The following NUDT21 variants were observed in gnomAD, a reference collection of about 807,000 sequenced individuals.
The protein encoded by NUDT21 is cleavage and polyadenylation specificity factor subunit 5.
A neutral mutation model predicts 29.8 loss-of-function variants in NUDT21; 5 were observed. That is an observed-to-expected ratio of 0.17 (90% CI 0.09 to 0.35). The LOEUF (loss-of-function observed/expected upper bound fraction) is 0.35. NUDT21 is among the 10% of genes least tolerant of loss of function. The probability of loss-of-function intolerance (pLI) is 1.00; values close to 1 mark genes in which losing one functional copy is unlikely to be tolerated. For missense variants in NUDT21, 76 were observed against 276.0 expected (o/e 0.28, Z 5.13); for synonymous variants, 113 against 98.5 (o/e 1.15, Z -0.87).
At chr16:56,441,672 T>C (rs1466432796) in intron 3 of NUDT21, among the ~76,000 whole-genome samples, 1 of 152,246 alleles carries the variant, frequency 6.6e-6, no homozygotes, top group East Asian at 1.9e-4. Context: ...GTTAAGTCAA[T>C]ATTCAGTATT....
At chr16:56,448,297 T>C (rs1281424967) in intron 1 of NUDT21, among the ~76,000 whole-genome samples, 1 of 152,234 alleles carries the variant, frequency 6.6e-6, no homozygotes, top group Non-Finnish European at 1.5e-5. Context: ...TTTTATACCA[T>C]GGCTGCTATT....
At position 56,441,808 on chromosome 16, in the gene NUDT21, A is replaced by G. The variant is rs115090292; in HGVS notation, c.382-2062T>C. On this transcript the variant is annotated intron_variant, in intron 3 of 6. Coordinates refer to ENST00000300291, the MANE Select transcript of NUDT21 (RefSeq NM_007006.3). Reference sequence around the variant, plus strand: ...CATTTCCTTTGCTATCACTAAATTCATTTCCCACATTCTCCATGATAACTT... The same window carrying G: ...CATTTCCTTTGCTATCACTAAATTCGTTTCCCACATTCTCCATGATAACTT... Among the ~76,000 whole-genome samples the G allele has an allele frequency of 7.1e-3, 1,086 of 152,284 alleles. 13 individuals are homozygous for G. Among genetic ancestry groups the G allele is most frequent in the African/African-American group, 0.025 (1,034 of 41,556 alleles).
At chr16:56,442,865 T>C (rs1962175112) in intron 3 of NUDT21, among the ~76,000 whole-genome samples, 1 of 152,192 alleles carries the variant, frequency 6.6e-6, no homozygotes, top group African/African-American at 2.4e-5. Context: ...TCTTAACTCT[T>C]TACTGAATTT....
chr16:56,433,193 A>G (rs1344629670), intron 6 of NUDT21, among the ~76,000 whole-genome samples: 1 of 152,226 alleles, frequency 6.6e-6, no homozygotes, highest in Non-Finnish European at 1.5e-5. Context: ...AAGTAGAAAG[A>G]GCAATTTCAT....
At chr16:56,432,756 C>A in intron 6 of NUDT21, 23 bp from the exon 7 acceptor site, 1 of 1,562,922 alleles carries the variant, frequency 6.4e-7, no homozygotes, top group Non-Finnish European at 8.8e-7. Flanking sequence ...AAGAACAATA[C>A]CTTTATTAAA....
In NUDT21 at chr16:56,439,605, T is replaced by TA. The variant is rs1480503946; in HGVS notation, c.471+51dup. The TA allele has an allele frequency of 7.6e-6, 9 of 1,182,720 alleles. No individual in the cohort carries two copies. In the African/African-American group the frequency reaches 1.3e-4, roughly 18 times the overall value. 73.3% of individuals were successfully genotyped at this position (1,182,720 alleles called of 1,614,324 possible). ...TAATCTTTTTTAAAGTGGCTAGAAT[T>TA]AAACGAGCTTTCTGCTTCCAAAATG... On this transcript the variant is annotated intron_variant, in intron 4 of 6. Transcript: ENST00000300291.
intron 3 of NUDT21, among the ~76,000 whole-genome samples, chr16:56,442,891 A>G (rs1482408563): frequency 6.6e-6 from 1 of 151,916 alleles, no homozygotes; most frequent in Non-Finnish European, 1.5e-5. Flanking sequence ...TTCTTCCAAC[A>G]TTTTTTTAAT....
rs1962068320 is a variant in NUDT21, at chr16:56,434,221, T to TA, written c.662+109dup. Reference sequence around the variant, plus strand: ...TGATCTAAGAGTCTATCTACTTTCTTAGTTTCCTTAAAGACCAAAATTCAT... The same window carrying TA: ...TGATCTAAGAGTCTATCTACTTTCTTAAGTTTCCTTAAAGACCAAAATTCAT... On this transcript the variant is annotated intron_variant, in intron 6 of 6. Coordinates refer to ENST00000300291, the MANE Select transcript of NUDT21 (RefSeq NM_007006.3). The TA allele has an allele frequency of 8.6e-6, 6 of 697,680 alleles. No individual in the cohort carries two copies. In the South Asian group the frequency reaches 9.7e-5, roughly 11 times the overall value. 43.2% of individuals were successfully genotyped at this position (697,680 alleles called of 1,614,324 possible). A position where few individuals can be genotyped will look rare whatever the true frequency, so the allele number is the denominator to read the frequency against.
At position 56,432,625 on chromosome 16, in the gene NUDT21, A is replaced by C. The variant is rs1962046989; in HGVS notation, c.*87T>G. 1.7e-6 allele frequency: 2 copies of C among 1,204,418 alleles called. No homozygotes were observed. Among genetic ancestry groups the C allele is most frequent in the Non-Finnish European group, 2.3e-6 (2 of 869,124 alleles). 74.6% of individuals were successfully genotyped at this position (1,204,418 alleles called of 1,614,324 possible). ...ATCGCAAAAGAGATAAAACCAAAAAAACTTTTCTACCACATTTATTCTACA... is the reference window on the plus strand; with the variant it reads ...ATCGCAAAAGAGATAAAACCAAAAACACTTTTCTACCACATTTATTCTACA... On this transcript the variant is annotated 3_prime_UTR_variant, in exon 7 of 7. Transcript: ENST00000300291.
chr16:56,436,695 T>G (rs1962107573), intron 4 of NUDT21, among the ~76,000 whole-genome samples: 1 of 152,222 alleles, frequency 6.6e-6, no homozygotes, highest in African/African-American at 2.4e-5. Flanking sequence ...CAAGGCTACA[T>G]GTTCCTATTT....
intron 3 of NUDT21, among the ~76,000 whole-genome samples, chr16:56,445,438 A>C (rs1380470661): frequency 1.3e-5 from 2 of 152,018 alleles, no homozygotes; most frequent in Non-Finnish European, 2.9e-5. Context: ...ATCCAATTAT[A>C]CTCTTTTAGT....
chr16:56,445,042 G>A (rs1419915353), intron 3 of NUDT21, among the ~76,000 whole-genome samples: 4 of 152,140 alleles, frequency 2.6e-5, no homozygotes, highest in African/African-American at 4.8e-5. Context: ...AAATTAGCTG[G>A]GCGTGGAGGC....
rs1344083420 is a variant in NUDT21, at chr16:56,429,590, G to T, written c.*3122C>A. On this transcript the variant is annotated 3_prime_UTR_variant, in exon 7 of 7. Coordinates refer to ENST00000300291, the MANE Select transcript of NUDT21 (RefSeq NM_007006.3). ...ATTACAGTATTAGGTTTCTCATCAC[G>T]ATTTGAACAAAAGCAAACTGCTTGA... 2.6e-5 allele frequency: 4 copies of T among 152,078 alleles called. No homozygotes were observed. Among genetic ancestry groups the T allele is most frequent in the Non-Finnish European group, 4.4e-5 (3 of 68,008 alleles). The allele number at this position is 152,078 out of a possible 1,614,324, so 9.4% of individuals were successfully genotyped here.
At chr16:56,439,203 T>C (rs1962135206) in intron 4 of NUDT21, 1 of 154,976 alleles carries the variant, frequency 6.5e-6, no homozygotes, top group African/African-American at 2.4e-5. Flanking sequence ...AGAAGGAGTC[T>C]CACTGTTGTC....
chr16:56,439,581 A>C (rs545192801), intron 4 of NUDT21, 76 bp downstream of exon 4: 14 of 952,166 alleles, frequency 1.5e-5, no homozygotes, highest in Non-Finnish European at 2.2e-5. Flanking sequence ...ATTCTACTTT[A>C]ATCTTTTTTA....
In NUDT21 at chr16:56,431,628, T is replaced by A. The variant is rs1829973744; in HGVS notation, c.*1084A>T. On this transcript the variant is annotated 3_prime_UTR_variant, in exon 7 of 7. Transcript: ENST00000300291. Reference sequence around the variant, plus strand: ...TAGTCAACAAGTCTGTAATAAGGCATACATGCTATACTTTGATCATTAAAT... The same window carrying A: ...TAGTCAACAAGTCTGTAATAAGGCAAACATGCTATACTTTGATCATTAAAT... 1 of 152,214 alleles carries A rather than the reference T, an allele frequency of 6.6e-6. No homozygotes were observed. Among genetic ancestry groups the A allele is most frequent in the Non-Finnish European group, 1.5e-5 (1 of 68,042 alleles). The allele number at this position is 152,214 out of a possible 1,614,324, so 9.4% of individuals were successfully genotyped here.
At chr16:56,444,552 A>C (rs973503664) in intron 3 of NUDT21, among the ~76,000 whole-genome samples, 1 of 150,088 alleles carries the variant, frequency 6.7e-6, no homozygotes, top group East Asian at 2.0e-4. Flanking sequence ...CACATTGGAG[A>C]TCACGCCACT....
intron 1 of NUDT21, among the ~76,000 whole-genome samples, chr16:56,449,704 G>A (rs1962259686): frequency 6.6e-6 from 1 of 152,148 alleles, no homozygotes; most frequent in Non-Finnish European, 1.5e-5. Context: ...AATAACCACC[G>A]AAAGTAATCC....
chr16:56,444,614 C>CAAAAA (rs1962196888), intron 3 of NUDT21, among the ~76,000 whole-genome samples: 1 of 116,808 alleles, frequency 8.6e-6, no homozygotes, highest in African/African-American at 3.2e-5. Context: ...AAAAAAAAAA[C>CAAAAA]AAAAACAAAA....
Sources: gnomAD v4.1 joint callset for allele counts (sites outside exome capture counted in the v4.1 genomes callset) on GRCh38, gnomAD v4.1.1 for gene constraint, MANE v1.5 for transcripts, NCBI Gene and HGNC (gene_info 2026-07-23, HGNC 2026-07-21) for gene names.